The following TTC7B variants were observed in gnomAD, a reference collection of about 807,000 sequenced individuals.
TTC7B encodes the protein tetratricopeptide repeat domain 7B.
Under a neutral mutation model 106.8 loss-of-function variants are expected in TTC7B, and 28 were observed. The ratio of observed to expected loss-of-function variants is 0.26; its 90% CI spans 0.19 to 0.36. The LOEUF is 0.36. Among genes scored for constraint, TTC7B ranks in the 10% least tolerant of loss-of-function variants. The pLI is 1.00. For missense variants in TTC7B, 862 were observed against 1,076.4 expected (o/e 0.80, Z 2.79); for synonymous variants, 405 against 430.6 (o/e 0.94, Z 0.74).
intron 15 of TTC7B, among the ~76,000 whole-genome samples, chr14:90,643,727 C>T (rs772616935): frequency 2.6e-5 from 4 of 152,018 alleles, no homozygotes; most frequent in Non-Finnish European, 2.9e-5. Context: ...GGATTACAGG[C>T]GCCCGCCACC....
At chr14:90,605,825 A>T (rs1270147741) in intron 17 of TTC7B, 7 of 1,149,456 alleles carry the variant, frequency 6.1e-6, no homozygotes. Flanking sequence ...AAAGAAAAAA[A>T]TAAACTCGCT....
rs2030358975 is a variant in TTC7B at position 90,802,851 on chromosome 14, A to G, written c.121+13324T>C. ...AGGGCACACACCTCTCCTAGAAAACATGGATAAGGCCGGGCACGGTGGCTC... is the reference window on the plus strand; with the variant it reads ...AGGGCACACACCTCTCCTAGAAAACGTGGATAAGGCCGGGCACGGTGGCTC... On this transcript the variant is annotated intron_variant, in intron 1 of 19. Coordinates refer to ENST00000328459, the MANE Select transcript of TTC7B (RefSeq NM_001010854.2). This position sits in a 1 kb window ranked among gnomAD's most constrained non-coding sequence, Gnocchi z 4.7. Among the ~76,000 whole-genome samples the G allele has an allele frequency of 6.6e-6, 1 of 152,036 alleles. No individual in the cohort carries two copies. The highest frequency in any genetic ancestry group is 6.6e-5 in the Admixed American group (1 of 15,264).
intron 5 of TTC7B, among the ~76,000 whole-genome samples, chr14:90,696,226 A>T (rs749009761): frequency 6.6e-5 from 10 of 152,174 alleles, no homozygotes; most frequent in Non-Finnish European, 1.3e-4. Flanking sequence ...GCTGCCACTC[A>T]CACCCCACAG....
At chr14:90,549,010 C>T (rs1330893844) in intron 19 of TTC7B, among the ~76,000 whole-genome samples, 15 of 152,064 alleles carry the variant, frequency 9.9e-5, no homozygotes, top group Non-Finnish European at 2.2e-4. Context: ...CGCCTGTAGT[C>T]CCAGCTACTT....
chr14:90,565,277 T>C (rs546989322), intron 19 of TTC7B, among the ~76,000 whole-genome samples: 5 of 152,322 alleles, frequency 3.3e-5, no homozygotes, highest in Admixed American at 3.3e-4. Context: ...GAATAGCACT[T>C]TTAATTTCCT....
At position 90,676,683 on chromosome 14, in the gene TTC7B, A is replaced by G. The variant is rs1886854192; in HGVS notation, c.1015-23T>C. 3.7e-6 allele frequency: 6 copies of G among 1,611,314 alleles called. 1 individual carries two copies. The East Asian group carries it at 1.1e-4, about 30-fold the overall frequency. The stretch of plus-strand genomic sequence containing the variant: ...GGCCTGAAAAAACATGGAATAGAGA[A>G]GCAGATGGAGAGAGAACCTAGTGCT... On this transcript the variant is annotated intron_variant, in intron 8 of 19. Coordinates refer to ENST00000328459, the MANE Select transcript of TTC7B (RefSeq NM_001010854.2).
chr14:90,688,898 A>G (rs1887356416), intron 7 of TTC7B, among the ~76,000 whole-genome samples: 1 of 152,162 alleles, frequency 6.6e-6, no homozygotes, highest in Non-Finnish European at 1.5e-5. Context: ...GTCAACAACC[A>G]TTCCAGCCTC....
chr14:90,655,210 C>T, intron 11 of TTC7B, 100 bp from the exon 12 acceptor site: 1 of 825,604 alleles, frequency 1.2e-6, no homozygotes, highest in Non-Finnish European at 2.1e-6. Flanking sequence ...TGATGAGTCA[C>T]TTTGAAAATG....
rs114103782 is a variant in TTC7B, at chr14:90,715,732, G to A, written c.698+14343C>T. The stretch of plus-strand genomic sequence containing the variant: ...GCACAACTCTGCCTCTCACGAGCAC[G>A]TAAAGTGTATCTGGCCTTGTAGATT... On this transcript the variant is annotated intron_variant, in intron 5 of 19. Transcript: ENST00000328459. Among the ~76,000 whole-genome samples, 392 of 152,242 alleles carry A rather than the reference G, an allele frequency of 2.6e-3. 4 individuals carry two copies. Among genetic ancestry groups the A allele is most frequent in the African/African-American group, 8.8e-3 (367 of 41,528 alleles).
chr14:90,667,630 T>C (rs574088854), intron 9 of TTC7B, among the ~76,000 whole-genome samples: 4 of 152,350 alleles, frequency 2.6e-5, no homozygotes, highest in Admixed American at 2.6e-4. Flanking sequence ...TTTTCTCTCG[T>C]TATACCTACA....
chr14:90,555,062 G>A (rs1169131126), intron 19 of TTC7B, among the ~76,000 whole-genome samples: 5 of 152,294 alleles, frequency 3.3e-5, no homozygotes, highest in East Asian at 1.9e-4. Flanking sequence ...CCAGGTAGAC[G>A]TCAGGTGTCA....
chr14:90,568,502 AT>A (rs1189559359), intron 19 of TTC7B, among the ~76,000 whole-genome samples: 1 of 152,206 alleles, frequency 6.6e-6, no homozygotes, highest in African/African-American at 2.4e-5. Context: ...TAAACACAGC[AT>A]TCATTTTTTC....
At chr14:90,670,145 T>G (rs928590386) in intron 9 of TTC7B, among the ~76,000 whole-genome samples, 46 of 152,342 alleles carry the variant, frequency 3.0e-4, no homozygotes, top group African/African-American at 1.0e-3. Flanking sequence ...AATGGAATAT[T>G]ATTCAGTCAT....
chr14:90,553,866 G>A (rs999166052), intron 19 of TTC7B, among the ~76,000 whole-genome samples: 3 of 152,190 alleles, frequency 2.0e-5, no homozygotes, highest in African/African-American at 7.2e-5. Flanking sequence ...TTTGACTTTT[G>A]TCTTCTTTTT....
Position 90,611,844 on chromosome 14 carries a change from C to T in TTC7B, c.1869-1005G>A, listed in dbSNP as rs186031329. ...AAACACTATTGCTTTATTCCTGTAT[C>T]GTGATATCCTATCAAAGCAGCTCCA... On this transcript the variant is annotated intron_variant, in intron 16 of 19. Transcript: ENST00000328459. Among the ~76,000 whole-genome samples, 5 of 152,274 alleles carry T rather than the reference C, an allele frequency of 3.3e-5. No individual in the cohort carries two copies. In the South Asian group the frequency reaches 6.2e-4, roughly 19 times the overall value.
chr14:90,541,270 A>C lies in TTC7B; in HGVS notation c.*98T>G, dbSNP rs778244039. On this transcript the variant is annotated 3_prime_UTR_variant, in exon 20 of 20. Transcript: ENST00000328459. Reference sequence around the variant, plus strand: ...CCACTGAACACTCGTCCCTGGCCTCAGTGTGGCAGATTCATCCCCTTGGGG... The same window carrying C: ...CCACTGAACACTCGTCCCTGGCCTCCGTGTGGCAGATTCATCCCCTTGGGG... 39 of 1,143,034 alleles carry C rather than the reference A, an allele frequency of 3.4e-5. No homozygotes were observed. Among genetic ancestry groups the C allele is most frequent in the Non-Finnish European group, 4.6e-5 (38 of 820,728 alleles). The allele number at this position is 1,143,034 out of a possible 1,614,324, so 70.8% of individuals were successfully genotyped here.
At chr14:90,723,385 A>G (rs8003729) in intron 5 of TTC7B, among the ~76,000 whole-genome samples, 23,025 of 152,186 alleles carry the variant, frequency 0.15, 2,960 homozygotes, top group African/African-American at 0.35. Flanking sequence ...CTGGTGACTC[A>G]GGGACTTTTC....
intron 8 of TTC7B, among the ~76,000 whole-genome samples, chr14:90,678,230 G>A (rs149185002): frequency 1.3e-5 from 2 of 152,292 alleles, no homozygotes; most frequent in Non-Finnish European, 2.9e-5. Flanking sequence ...TTGCCTCAGT[G>A]GTAGTTCTGC....
intron 6 of TTC7B, among the ~76,000 whole-genome samples, chr14:90,693,756 G>A (rs1225156877): frequency 6.6e-6 from 1 of 152,200 alleles, no homozygotes; most frequent in Non-Finnish European, 1.5e-5. Context: ...ATAACTGCTG[G>A]TGGGAATGTA....
Sources: gnomAD v4.1 joint callset for allele counts (sites outside exome capture counted in the v4.1 genomes callset) on GRCh38, gnomAD v4.1.1 for gene constraint, Gnocchi (gnomAD v3.1) non-coding constraint, MANE v1.5 for transcripts, NCBI Gene and HGNC (gene_info 2026-07-23, HGNC 2026-07-21) for gene names.